RGS6: variants seen among roughly 807,000 people sequenced by gnomAD.
RGS6 encodes regulator of G-protein signaling 6.
Under a neutral mutation model 78.5 loss-of-function variants are expected in RGS6, and 30 were observed. That is an observed-to-expected ratio of 0.38 (90% CI 0.29 to 0.52). RGS6 has a LOEUF of 0.52. RGS6 is among the 20% of genes least tolerant of loss of function. RGS6 has a pLI of 0.85. For synonymous variants in RGS6, 206 were observed against 206.0 expected (o/e 1.00, Z 0.00); for missense variants, 495 against 609.7 (o/e 0.81, Z 1.98).
chr14:72,603,294 G>A, the RGS6 span, among the ~76,000 whole-genome samples: 1 of 152,234 alleles, frequency 6.6e-6, no homozygotes, highest in Non-Finnish European at 1.5e-5. Flanking sequence ...TAAGTGGGCT[G>A]TAGTAACCCA....
chr14:71,898,929 A>G, the RGS6 span, among the ~76,000 whole-genome samples: 9 of 152,304 alleles, frequency 5.9e-5, no homozygotes, highest in African/African-American at 2.2e-4. Flanking sequence ...ATAAGTTAGA[A>G]TATATTTAAA....
chr14:72,280,072 G>C (rs2061329044), intron 2 of RGS6, among the ~76,000 whole-genome samples: 2 of 152,114 alleles, frequency 1.3e-5, no homozygotes, highest in South Asian at 4.1e-4. Flanking sequence ...ATCATTATTG[G>C]AGGCAGGGGT....
chr14:72,532,353 C>T (rs1369897332), intron 15 of RGS6, among the ~76,000 whole-genome samples: 1 of 152,184 alleles, frequency 6.6e-6, no homozygotes, highest in South Asian at 2.1e-4. Flanking sequence ...TTTTCTGACT[C>T]CTCTACCAAA....
the RGS6 span, among the ~76,000 whole-genome samples, chr14:72,607,693 G>A: frequency 6.6e-6 from 1 of 152,184 alleles, no homozygotes; most frequent in African/African-American, 2.4e-5. Flanking sequence ...TGTTATATGA[G>A]CCTAAGTCCC....
chr14:72,280,349 T>C (rs1206152639), intron 2 of RGS6, among the ~76,000 whole-genome samples: 2 of 152,218 alleles, frequency 1.3e-5, no homozygotes, highest in African/African-American at 4.8e-5. Context: ...AAGTAAAAGA[T>C]GTAGCCTGAA....
At chr14:72,184,281 T>A (rs1432979455) in intron 2 of RGS6, among the ~76,000 whole-genome samples, 1 of 152,068 alleles carries the variant, frequency 6.6e-6, no homozygotes, top group Non-Finnish European at 1.5e-5. Context: ...CTGTGAGGCT[T>A]ACAAATACCT....
chr14:72,412,974 T>A (rs2093537831), intron 3 of RGS6, among the ~76,000 whole-genome samples: 1 of 152,146 alleles, frequency 6.6e-6, no homozygotes, highest in Non-Finnish European at 1.5e-5. Context: ...TGCTGAGGAG[T>A]GCTTTACTTC....
At chr14:72,589,049 A>T in the RGS6 span, among the ~76,000 whole-genome samples, 1 of 152,174 alleles carries the variant, frequency 6.6e-6, no homozygotes, top group Non-Finnish European at 1.5e-5. Context: ...ACATGAATAA[A>T]CCATTCATAG....
intron 2 of RGS6, among the ~76,000 whole-genome samples, chr14:72,333,231 G>A (rs890870525): frequency 4.6e-5 from 7 of 152,190 alleles, no homozygotes; most frequent in East Asian, 1.9e-4. Context: ...GATCATTTCC[G>A]GGGGAAAATG....
chr14:72,329,935 C>G (rs904011763), intron 2 of RGS6, among the ~76,000 whole-genome samples: 4 of 152,220 alleles, frequency 2.6e-5, no homozygotes, highest in African/African-American at 9.6e-5. Flanking sequence ...TCAGTGAATT[C>G]TGAGGTCAAA....
chr14:72,618,638 G>T, the RGS6 span, among the ~76,000 whole-genome samples: 2 of 152,030 alleles, frequency 1.3e-5, no homozygotes, highest in East Asian at 3.9e-4. Context: ...GTCTCTGCGC[G>T]TCTCCCTCCC....
At chr14:72,316,896 A>AGTGTGTGTGTGTGTGTGT (rs71109731) in intron 2 of RGS6, among the ~76,000 whole-genome samples, 9 of 141,816 alleles carry the variant, frequency 6.3e-5, no homozygotes, top group South Asian at 4.8e-4. Context: ...AAGCAGGTGA[A>AGTGTGTGTGTGTGTGTGT]GTGTGTGTGT....
intron 2 of RGS6, among the ~76,000 whole-genome samples, chr14:72,223,633 G>T (rs191779571): frequency 6.6e-6 from 1 of 152,346 alleles, no homozygotes; most frequent in African/African-American, 2.4e-5. Flanking sequence ...ACCTAGTCTA[G>T]TAATAGACAA....
In RGS6 at chr14:72,309,527, A is replaced by G. The variant is rs557579760; in HGVS notation, c.85-42568A>G. 2.0e-4 allele frequency among the ~76,000 whole-genome samples: 30 copies of G among 152,330 alleles called. 1 individual carries two copies. Among genetic ancestry groups the G allele is most frequent in the African/African-American group, 5.3e-4 (22 of 41,576 alleles). ...TTTTCTAAGTTTTTCAGTGGGATCA[A>G]TGTTGGTAGTTTGTATATTTGCACT... On this transcript the variant is annotated intron_variant, in intron 2 of 17. Coordinates refer to ENST00000553525, the MANE Select transcript of RGS6 (RefSeq NM_001204424.2).
the RGS6 span, among the ~76,000 whole-genome samples, chr14:71,924,404 G>A: frequency 6.6e-6 from 1 of 152,232 alleles, no homozygotes; most frequent in Non-Finnish European, 1.5e-5. Context: ...CTTGGTTAGA[G>A]CACCTAAAAT....
chr14:72,266,574 C>A (rs756572889), intron 2 of RGS6, among the ~76,000 whole-genome samples: 1 of 152,168 alleles, frequency 6.6e-6, no homozygotes, highest in Non-Finnish European at 1.5e-5. Flanking sequence ...AAGTTTTTGG[C>A]GCTTAAGACA....
chr14:71,918,380 G>T, the RGS6 span, among the ~76,000 whole-genome samples: 1 of 152,000 alleles, frequency 6.6e-6, no homozygotes, highest in Non-Finnish European at 1.5e-5. Context: ...CCATTTACAG[G>T]CTTGGTTTCA....
intron 2 of RGS6, among the ~76,000 whole-genome samples, chr14:72,048,194 C>T (rs2093001766): frequency 6.6e-6 from 1 of 152,124 alleles, no homozygotes; most frequent in African/African-American, 2.4e-5. Context: ...TAAATTATCA[C>T]CCATCTTTAA....
the RGS6 span, among the ~76,000 whole-genome samples, chr14:72,604,662 A>G: frequency 6.6e-6 from 1 of 152,164 alleles, no homozygotes; most frequent in Admixed American, 6.5e-5. Context: ...GTTTGAGGAA[A>G]GCAGAAAGGG....
Sources: allele counts gnomAD v4.1 joint callset (sites outside exome capture counted in the v4.1 genomes callset), GRCh38; gene constraint gnomAD v4.1.1; transcripts MANE v1.5; gene names NCBI Gene and HGNC (gene_info 2026-07-23, HGNC 2026-07-21).